GABRG3: variants seen among roughly 807,000 people sequenced by gnomAD.
The protein encoded by GABRG3 is gamma-aminobutyric acid receptor subunit gamma-3.
GABRG3 carries 25 observed loss-of-function variants against 48.8 expected under a neutral mutation model. The observed-to-expected ratio is 0.51, with a 90% CI of 0.37 to 0.72. The LOEUF (loss-of-function observed/expected upper bound fraction) is 0.72, where lower values mean the gene tolerates loss of function less well. GABRG3 is among the 30% of genes least tolerant of loss of function. The probability of loss-of-function intolerance (pLI) is 0.00; values close to 1 mark genes in which losing one functional copy is unlikely to be tolerated. For synonymous variants in GABRG3, 227 were observed against 217.6 expected, an observed-to-expected ratio of 1.04 and a Z score of -0.38; for missense variants, 394 against 577.9, an observed-to-expected ratio of 0.68 and a Z score of 3.26.
chr15:27,497,337 G>A (rs542823938), intron 6 of GABRG3, among the ~76,000 whole-genome samples: 3 of 152,224 alleles, frequency 2.0e-5, no homozygotes, highest in African/African-American at 7.2e-5. Flanking sequence ...AAAGACTCAC[G>A]GGTGCTGTAT....
rs980618748 is a variant in GABRG3 at position 27,179,349 on chromosome 15, T to A, written c.271-147460T>A. ...ACTTTATCATATGTGTCCGTGAGAA[T>A]AGCACATTAGCCACATTCAAAATAA... On this transcript the variant is annotated intron_variant, in intron 3 of 9. Coordinates refer to ENST00000615808, the MANE Select transcript of GABRG3 (RefSeq NM_033223.5). The surrounding 1 kb of genome is among the most constrained non-coding windows in gnomAD (Gnocchi z 4.0). 6.6e-6 allele frequency among the ~76,000 whole-genome samples: 1 copy of A among 152,204 alleles called. No homozygotes were observed.
intron 3 of GABRG3, among the ~76,000 whole-genome samples, chr15:27,270,981 G>C (rs1891066439): frequency 6.6e-6 from 1 of 152,218 alleles, no homozygotes; most frequent in Non-Finnish European, 1.5e-5. Flanking sequence ...GGGTGGCCAG[G>C]AAGAAACAGT....
intron 5 of GABRG3, among the ~76,000 whole-genome samples, chr15:27,374,686 C>T (rs578233388): frequency 1.4e-4 from 21 of 152,218 alleles, no homozygotes; most frequent in Non-Finnish European, 2.4e-4. Context: ...GAAACAGCCA[C>T]GCCAAGGTGT....
At chr15:27,385,833 T>C (rs1242450398) in intron 5 of GABRG3, among the ~76,000 whole-genome samples, 1 of 152,224 alleles carries the variant, frequency 6.6e-6, no homozygotes, top group South Asian at 2.1e-4. Flanking sequence ...ATTTATAATA[T>C]CTTCTTTGTA....
At chr15:27,479,898 G>A (rs888626012) in intron 5 of GABRG3, among the ~76,000 whole-genome samples, 3 of 152,184 alleles carry the variant, frequency 2.0e-5, no homozygotes, top group Non-Finnish European at 4.4e-5. Context: ...TCCAAGCATG[G>A]TTCAGAAATG....
intron 3 of GABRG3, among the ~76,000 whole-genome samples, chr15:27,131,965 T>A (rs1897923334): frequency 6.6e-6 from 1 of 152,078 alleles, no homozygotes; most frequent in Admixed American, 6.6e-5. Flanking sequence ...TTTTGACCAA[T>A]TTTAAGTTGG....
intron 4 of GABRG3, 91 bp from the exon 5 acceptor site, chr15:27,328,715 C>A: frequency 1.0e-6 from 1 of 1,000,742 alleles, no homozygotes; most frequent in Non-Finnish European, 1.6e-6. Context: ...GACGGAACGG[C>A]CCTCTCCATC....
intron 3 of GABRG3, among the ~76,000 whole-genome samples, chr15:27,114,832 T>C (rs1189833219): frequency 6.6e-6 from 1 of 152,114 alleles, no homozygotes; most frequent in African/African-American, 2.4e-5. Context: ...CCTTCCATTC[T>C]AGCACAGAAG....
chr15:27,487,419 C>T (rs989468392), intron 6 of GABRG3, among the ~76,000 whole-genome samples: 3 of 152,120 alleles, frequency 2.0e-5, no homozygotes, highest in Admixed American at 6.5e-5. Flanking sequence ...GAGCCAATAC[C>T]TTTATTTATA....
intron 3 of GABRG3, among the ~76,000 whole-genome samples, chr15:27,034,536 AT>A (rs1435975545): frequency 6.6e-6 from 1 of 152,234 alleles, no homozygotes; most frequent in African/African-American, 2.4e-5. Context: ...AAGTAAAACA[AT>A]AGAGAATAGC....
At chr15:27,297,278 T>G (rs1892025796) in intron 3 of GABRG3, among the ~76,000 whole-genome samples, 1 of 152,112 alleles carries the variant, frequency 6.6e-6, no homozygotes, top group Non-Finnish European at 1.5e-5. Context: ...AATAAAAATA[T>G]ATTTTATACA....
chr15:27,277,328 C>T (rs1231074722), intron 3 of GABRG3, among the ~76,000 whole-genome samples: 1 of 152,192 alleles, frequency 6.6e-6, no homozygotes, highest in Admixed American at 6.5e-5. Flanking sequence ...TGTTTTCCAG[C>T]CTTCTCTCCC....
At chr15:27,186,792 T>C (rs1027189153) in intron 3 of GABRG3, among the ~76,000 whole-genome samples, 3 of 152,164 alleles carry the variant, frequency 2.0e-5, no homozygotes, top group Non-Finnish European at 4.4e-5. Context: ...TGGTGTCTTC[T>C]TTTACAAAGT....
intron 5 of GABRG3, among the ~76,000 whole-genome samples, chr15:27,408,421 A>G (rs981520453): frequency 3.9e-5 from 6 of 152,220 alleles, no homozygotes; most frequent in African/African-American, 1.4e-4. Flanking sequence ...TTGCTGAGCT[A>G]CAACCAGAAA....
chr15:27,322,442 T>C (rs1267937099), intron 3 of GABRG3, among the ~76,000 whole-genome samples: 1 of 152,126 alleles, frequency 6.6e-6, no homozygotes, highest in Admixed American at 6.5e-5. Flanking sequence ...TTCAGACCTA[T>C]GAAAGTCCTT....
At chr15:27,364,171 A>G (rs28377598) in intron 5 of GABRG3, 1 of 152,080 alleles carries the variant, frequency 6.6e-6, no homozygotes, top group African/African-American at 2.4e-5. Context: ...TCAAGCTTGC[A>G]TTATGAAAAC....
chr15:27,307,222 CAT>C (rs1308315730), intron 3 of GABRG3, among the ~76,000 whole-genome samples: 1 of 129,854 alleles, frequency 7.7e-6, no homozygotes, highest in Admixed American at 8.2e-5. Flanking sequence ...TATATATAAC[CAT>C]GTTTATATTA....
At chr15:27,353,192 G>A (rs1397247212) in intron 5 of GABRG3, among the ~76,000 whole-genome samples, 2 of 152,042 alleles carry the variant, frequency 1.3e-5, no homozygotes, top group East Asian at 3.9e-4. Flanking sequence ...CTGGTCAGCT[G>A]TGTTCCTGTA....
chr15:27,242,687 T>C (rs1358426878), intron 3 of GABRG3, among the ~76,000 whole-genome samples: 1 of 152,212 alleles, frequency 6.6e-6, no homozygotes, highest in Non-Finnish European at 1.5e-5. Context: ...AGTCTTGATT[T>C]GACAGAGTAG....
Sources: gnomAD v4.1 joint callset for allele counts (sites outside exome capture counted in the v4.1 genomes callset) on GRCh38, gnomAD v4.1.1 for gene constraint, Gnocchi (gnomAD v3.1) non-coding constraint, MANE v1.5 for transcripts, NCBI Gene and HGNC (gene_info 2026-07-23, HGNC 2026-07-21) for gene names.